The following RC3H2 variants were observed in gnomAD, a reference collection of about 807,000 sequenced individuals.
RC3H2 encodes the protein roquin-2.
A neutral mutation model predicts 133.3 loss-of-function variants in RC3H2; 31 were observed. The ratio of observed to expected loss-of-function variants is 0.23; its 90% CI spans 0.17 to 0.31. RC3H2 has a LOEUF of 0.31. Among genes scored for constraint, RC3H2 ranks in the 10% least tolerant of loss-of-function variants. The probability of loss-of-function intolerance (pLI) is 1.00; values close to 1 mark genes in which losing one functional copy is unlikely to be tolerated. For missense variants in RC3H2, 1,175 were observed against 1,437.2 expected, an observed-to-expected ratio of 0.82 and a Z score of 2.95; for synonymous variants, 517 against 502.2, an observed-to-expected ratio of 1.03 and a Z score of -0.40.
chr9:122,892,224 A>G (rs1029206954), intron 3 of RC3H2, among the ~76,000 whole-genome samples: 5 of 151,112 alleles, frequency 3.3e-5, no homozygotes, highest in African/African-American at 9.7e-5. Context: ...TGATTCTCCT[A>G]CACCGGTCTC....
At chr9:122,853,824 G>C in intron 18 of RC3H2, 128 bp downstream of exon 18, 1 of 1,557,308 alleles carries the variant, frequency 6.4e-7, no homozygotes, top group East Asian at 2.3e-5. Context: ...TCTGTTATAA[G>C]TTTTAAAAGC....
In RC3H2 at chr9:122,904,706, G is replaced by A. The variant is rs576115493; in HGVS notation, c.-68+404C>T. ...CGCCTCCACCACCCTCTACGCTAGG[G>A]TCTCGGGAAGCCCCAGGGCAGAAAG... On this transcript the variant is annotated intron_variant, in intron 1 of 20. Coordinates refer to ENST00000357244, the MANE Select transcript of RC3H2 (RefSeq NM_001100588.3). Among the ~76,000 whole-genome samples, 261 of 152,324 alleles carry A rather than the reference G, an allele frequency of 1.7e-3. 2 individuals are homozygous for A. The Middle Eastern group carries it at 0.031, about 18-fold the overall frequency.
chr9:122,858,625 C>A, intron 12 of RC3H2, 44 bp downstream of exon 12: 1 of 1,532,934 alleles, frequency 6.5e-7, no homozygotes, highest in South Asian at 1.2e-5. Context: ...TGACTCCAGA[C>A]ACTGGGCTGT....
At position 122,848,813 on chromosome 9, in the gene RC3H2, CA is replaced by C. The variant is rs1386294523; in HGVS notation, c.*813del. 2 of 152,008 alleles carry C rather than the reference CA, an allele frequency of 1.3e-5. No individual in the cohort carries two copies. The allele number at this position is 152,008 out of a possible 1,614,324, so 9.4% of individuals were successfully genotyped here. The stretch of plus-strand genomic sequence containing the variant: ...TTAAAAAACTGCCATTACATTAGTG[CA>C]TAATTTATCAAAATTGTAAAAACGA... On this transcript the variant is annotated 3_prime_UTR_variant, in exon 21 of 21. Transcript: ENST00000357244.
intron 4 of RC3H2, among the ~76,000 whole-genome samples, chr9:122,885,556 A>C (rs1374980857): frequency 6.6e-6 from 1 of 152,180 alleles, no homozygotes; most frequent in Non-Finnish European, 1.5e-5. Context: ...AAAAACCACA[A>C]TTACTTTTGC....
At chr9:122,884,763 G>C (rs1031132554) in intron 4 of RC3H2, among the ~76,000 whole-genome samples, 3 of 151,354 alleles carry the variant, frequency 2.0e-5, no homozygotes, top group Non-Finnish European at 2.9e-5. Flanking sequence ...TGAGGCAGGA[G>C]AATCCCTTGA....
chr9:122,882,434 TG>T (rs1390726621), intron 5 of RC3H2, among the ~76,000 whole-genome samples: 5 of 152,232 alleles, frequency 3.3e-5, no homozygotes, highest in Non-Finnish European at 5.9e-5. Context: ...TTTTCACTCT[TG>T]GGGGCTATAA....
chr9:122,868,341 C>A (rs1358883434), intron 9 of RC3H2, among the ~76,000 whole-genome samples: 1 of 152,148 alleles, frequency 6.6e-6, no homozygotes, highest in African/African-American at 2.4e-5. Flanking sequence ...CGGATGGTTG[C>A]CGTGTCTGTG....
chr9:122,888,359 G>A (rs1340313252), intron 4 of RC3H2, among the ~76,000 whole-genome samples: 1 of 152,074 alleles, frequency 6.6e-6, no homozygotes, highest in Non-Finnish European at 1.5e-5. Flanking sequence ...ATTTAAAGTT[G>A]TTTTATAATT....
At position 122,865,673 on chromosome 9, in the gene RC3H2, T is replaced by A; in HGVS notation, c.1326-16A>T. ...TAATCGATACCTGTTTCAAAAACAA[T>A]CAACAGATTGGTGAATATTTCACTA... On this transcript the variant is annotated splice_polypyrimidine_tract_variant and intron_variant, in intron 9 of 20. Coordinates refer to ENST00000357244, the MANE Select transcript of RC3H2 (RefSeq NM_001100588.3). The A allele has an allele frequency of 3.1e-6, 5 of 1,598,106 alleles. No individual in the cohort carries two copies. Among genetic ancestry groups the A allele is most frequent in the Non-Finnish European group, 4.3e-6 (5 of 1,172,938 alleles).
At chr9:122,880,242 T>C (rs754176128) in intron 6 of RC3H2, 117 bp from the exon 7 acceptor site, 7 of 1,158,262 alleles carry the variant, frequency 6.0e-6, no homozygotes, top group East Asian at 4.7e-5. Flanking sequence ...GATTCCACAG[T>C]AGGAGTATCA....
At chr9:122,874,087 C>G (rs1272229700) in intron 9 of RC3H2, 1 of 151,894 alleles carries the variant, frequency 6.6e-6, no homozygotes, top group East Asian at 1.9e-4. Context: ...AAGATAATAT[C>G]TGAGTATGAT....
At chr9:122,865,170 A>G (rs1211126391) in intron 10 of RC3H2, among the ~76,000 whole-genome samples, 179 bp downstream of exon 10, 1 of 152,212 alleles carries the variant, frequency 6.6e-6, no homozygotes, top group East Asian at 1.9e-4. Flanking sequence ...TCACAGGGCT[A>G]TTCAGTTGCA....
chr9:122,866,758 C>A (rs1381284731), intron 9 of RC3H2, among the ~76,000 whole-genome samples: 1 of 152,196 alleles, frequency 6.6e-6, no homozygotes, highest in Non-Finnish European at 1.5e-5. Flanking sequence ...CTCGCTACAA[C>A]CTCCACCTCC....
intron 10 of RC3H2, among the ~76,000 whole-genome samples, chr9:122,864,831 A>G (rs1830578816): frequency 6.6e-6 from 1 of 151,922 alleles, no homozygotes. Flanking sequence ...TCACCATGTC[A>G]GCCAGGATGG....
rs1454364701 is a variant in RC3H2, at chr9:122,847,512, C to G, written c.*2115G>C. 1 of 151,982 alleles carries G rather than the reference C, an allele frequency of 6.6e-6. No homozygotes were observed. Among genetic ancestry groups the G allele is most frequent in the Non-Finnish European group, 1.5e-5 (1 of 67,964 alleles). 9.4% of individuals were successfully genotyped at this position (151,982 alleles called of 1,614,324 possible). A position where few individuals can be genotyped will look rare whatever the true frequency, so the allele number is the denominator to read the frequency against. ...GAAATAGACAGACTGGTTTGCATAT[C>G]CTTTTTGGAATTACAAACAGCAAAT... On this transcript the variant is annotated 3_prime_UTR_variant, in exon 21 of 21. Coordinates refer to ENST00000357244, the MANE Select transcript of RC3H2 (RefSeq NM_001100588.3).
rs764793507 is a variant in RC3H2 at position 122,897,297 on chromosome 9, G to C, written c.213C>G (p.Leu71=). The change falls in exon 2 of 21, where the codon CTC becomes CTG. Residue 71 remains leucine (L), a synonymous_variant. Coordinates refer to ENST00000357244, the MANE Select transcript of RC3H2 (RefSeq NM_001100588.3). The stretch of plus-strand genomic sequence containing the variant: ...TGCTTACCTGGGCTCCAACTAACTG[G>C]AGAAGTGCGAAGTTGACAGGAAGTA... ...IDVLPVNFAL[L]QLVGAQVPDH... is the part of the protein sequence containing the mutation. 1 of 1,614,064 alleles carries C rather than the reference G, an allele frequency of 6.2e-7. No homozygotes were observed. The highest frequency in any genetic ancestry group is 2.2e-5 in the East Asian group (1 of 44,886).
intron 14 of RC3H2, 33 bp downstream of exon 14, chr9:122,855,699 C>T (rs1475212965): frequency 6.3e-7 from 1 of 1,595,218 alleles, no homozygotes; most frequent in Non-Finnish European, 8.5e-7. Flanking sequence ...TCATCTCTCA[C>T]CTCCAACCCC....
At chr9:122,875,078 A>T in intron 9 of RC3H2, 1 of 1,266,636 alleles carries the variant, frequency 7.9e-7, no homozygotes, top group East Asian at 2.7e-5. Context: ...AGCTGAATGT[A>T]TTTCCTGGAG....
Sources: allele counts gnomAD v4.1 joint callset (sites outside exome capture counted in the v4.1 genomes callset), GRCh38; gene constraint gnomAD v4.1.1; transcripts MANE v1.5; gene names NCBI Gene and HGNC (gene_info 2026-07-23, HGNC 2026-07-21).